Variants in FAM227A observed in about 807,000 individuals in gnomAD.
The protein encoded by FAM227A is family with sequence similarity 227 member A.
FAM227A carries 80 observed loss-of-function variants against 74.7 expected under a neutral mutation model. The ratio of observed to expected loss-of-function variants is 1.07; its 90% CI spans 0.89 to 1.29. The LOEUF (loss-of-function observed/expected upper bound fraction) is 1.29, where lower values mean the gene tolerates loss of function less well. FAM227A is among the 50% of genes most tolerant of loss of function. FAM227A has a pLI of 0.00. For synonymous variants in FAM227A, 237 were observed against 241.8 expected, an observed-to-expected ratio of 0.98 and a Z score of 0.19; for missense variants, 654 against 683.4, an observed-to-expected ratio of 0.96 and a Z score of 0.48.
intron 15 of FAM227A, among the ~76,000 whole-genome samples, chr22:38,593,902 G>A (rs912885100): frequency 6.6e-6 from 1 of 152,086 alleles, no homozygotes; most frequent in East Asian, 1.9e-4. Flanking sequence ...ATGTTGGCCC[G>A]GCTGGTCTCA....
At chr22:38,638,856 A>ACC (rs1180521152) in intron 4 of FAM227A, 34 bp from the exon 5 acceptor site, 1 of 1,411,530 alleles carries the variant, frequency 7.1e-7, no homozygotes, top group African/African-American at 1.4e-5. Flanking sequence ...TAAATGAGTA[A>ACC]CCACAGGGTC....
At chr22:38,636,076 A>G (rs970252227) in intron 6 of FAM227A, among the ~76,000 whole-genome samples, 4 of 149,758 alleles carry the variant, frequency 2.7e-5, no homozygotes, top group African/African-American at 1.0e-4. Context: ...AAGAAAAAAG[A>G]AAGGAAGGAA....
At chr22:38,592,331 C>T (rs1848428396) in intron 15 of FAM227A, among the ~76,000 whole-genome samples, 2 of 152,136 alleles carry the variant, frequency 1.3e-5, no homozygotes, top group Non-Finnish European at 2.9e-5. Flanking sequence ...ACAAAAAAAT[C>T]TTTACTACAA....
At chr22:38,624,396 A>C (rs1232227953) in intron 9 of FAM227A, among the ~76,000 whole-genome samples, 1 of 152,142 alleles carries the variant, frequency 6.6e-6, no homozygotes. Context: ...TCTCAAAAAA[A>C]AAAAAAGATT....
At chr22:38,626,722 A>T (rs1430974588) in intron 8 of FAM227A, among the ~76,000 whole-genome samples, 6 of 150,972 alleles carry the variant, frequency 4.0e-5, no homozygotes, top group East Asian at 1.9e-4. Context: ...AAAATAAAAA[A>T]AAATAGCTGG....
chr22:38,651,430 G>C (rs8138996), intron 1 of FAM227A, among the ~76,000 whole-genome samples: 2 of 151,748 alleles, frequency 1.3e-5, no homozygotes, highest in East Asian at 1.9e-4. Context: ...CTGGAGTGCA[G>C]TGGCGCGATC....
At chr22:38,631,805 AAC>A (rs1317258488) in intron 6 of FAM227A, among the ~76,000 whole-genome samples, 2 of 152,184 alleles carry the variant, frequency 1.3e-5, no homozygotes, top group Non-Finnish European at 2.9e-5. Flanking sequence ...AACAGGGCAG[AAC>A]ACTGTGACAT....
chr22:38,638,738 T>C lies in FAM227A; in HGVS notation c.372+8A>G. The C allele has an allele frequency of 6.5e-7, 1 of 1,542,292 alleles. No homozygotes were observed. Among genetic ancestry groups the C allele is most frequent in the Non-Finnish European group, 8.8e-7 (1 of 1,138,818 alleles). ...GGTCAGAAACAGACACAGCAGTAGA[T>C]CCCTTACCCTTTTTATAACAGAAGA... On this transcript the variant is annotated splice_region_variant and intron_variant, in intron 5 of 16. Transcript: ENST00000535113.
At chr22:38,641,956 TGTGTGTGTGTGTGTGTGTGCGCAC>T (rs1463448566) in intron 3 of FAM227A, among the ~76,000 whole-genome samples, 2 of 140,690 alleles carry the variant, frequency 1.4e-5, no homozygotes, top group Admixed American at 7.0e-5. Context: ...AAGGTGTGTG[TGTGTGTGTGTGTGTGTGTGCGCAC>T]GTGTGTGTGC....
At chr22:38,607,002 C>T (rs1157683161) in intron 12 of FAM227A, among the ~76,000 whole-genome samples, 7 of 151,998 alleles carry the variant, frequency 4.6e-5, no homozygotes, top group Admixed American at 3.9e-4. Flanking sequence ...CATGGTGAAA[C>T]CGCGTCTCTA....
At chr22:38,619,227 G>C (rs1569212980) in intron 11 of FAM227A, among the ~76,000 whole-genome samples, 1 of 152,204 alleles carries the variant, frequency 6.6e-6, no homozygotes, top group Admixed American at 6.5e-5. Flanking sequence ...AGCCAGATGA[G>C]CAAGGCTGTG....
chr22:38,638,407 G>A (rs557281160), intron 5 of FAM227A, among the ~76,000 whole-genome samples: 195 of 152,312 alleles, frequency 1.3e-3, no homozygotes, highest in Non-Finnish European at 2.0e-3. Flanking sequence ...AGCATGGGGT[G>A]TGACTCAGAG....
At chr22:38,587,420 G>A (rs539882561) in intron 16 of FAM227A, among the ~76,000 whole-genome samples, 2 of 152,000 alleles carry the variant, frequency 1.3e-5, no homozygotes, top group Non-Finnish European at 2.9e-5. Context: ...CATGATTACC[G>A]ACCTTACAGA....
intron 14 of FAM227A, among the ~76,000 whole-genome samples, chr22:38,597,779 G>T (rs181018632): frequency 6.6e-6 from 1 of 152,082 alleles, no homozygotes; most frequent in African/African-American, 2.4e-5. Flanking sequence ...TCTTGGCCAG[G>T]CGCGGTGTAA....
intron 8 of FAM227A, among the ~76,000 whole-genome samples, chr22:38,626,891 A>AAAATATATATATATAT (rs1555966996): frequency 1.7e-5 from 1 of 57,688 alleles, no homozygotes; most frequent in East Asian, 5.7e-4. Context: ...AAAAAAAAAA[A>AAAATATATATATATAT]ATATATATAT....
intron 11 of FAM227A, 40 bp from the exon 12 acceptor site, chr22:38,607,516 G>A: frequency 7.5e-7 from 1 of 1,325,836 alleles, no homozygotes; most frequent in Non-Finnish European, 1.1e-6. Context: ...GAGAAAGCGA[G>A]AGAGAGAGAA....
chr22:38,609,608 T>C (rs1159816543), intron 11 of FAM227A, among the ~76,000 whole-genome samples: 3 of 152,156 alleles, frequency 2.0e-5, no homozygotes, highest in Non-Finnish European at 2.9e-5. Flanking sequence ...TTTGCTTTTA[T>C]AGAAATGGGA....
rs371386723 is a variant in FAM227A at position 38,654,656 on chromosome 22, C to T, written c.-95+1464G>A. Among the ~76,000 whole-genome samples, 10 of 150,448 alleles carry T rather than the reference C, an allele frequency of 6.6e-5. No individual in the cohort carries two copies. In the East Asian group the frequency reaches 1.0e-3, roughly 15 times the overall value. On this transcript the variant is annotated intron_variant, in intron 1 of 16. Coordinates refer to ENST00000535113, the MANE Select transcript of FAM227A (RefSeq NM_001013647.2). ...TCAAAAAAATAAACAAAAGGCTGGG[C>T]GCGGTGGCTCACGCCTGTAATCCCA...
chr22:38,636,322 C>A, intron 6 of FAM227A, 129 bp downstream of exon 6: 5 of 1,011,356 alleles, frequency 4.9e-6, no homozygotes, highest in Non-Finnish European at 5.6e-6. Flanking sequence ...GGGTTCCTAG[C>A]TCAGCTCAGA....
Sources: allele counts gnomAD v4.1 joint callset (sites outside exome capture counted in the v4.1 genomes callset), GRCh38; gene constraint gnomAD v4.1.1; transcripts MANE v1.5; gene names NCBI Gene and HGNC (gene_info 2026-07-23, HGNC 2026-07-21).